Variants in ZMYM4 observed in about 807,000 individuals in gnomAD.
The protein encoded by ZMYM4 is zinc finger MYM-type protein 4.
In ZMYM4, 31 loss-of-function variants were observed where a neutral mutation model predicts 183.2. That is an observed-to-expected ratio of 0.17 (90% CI 0.13 to 0.23). ZMYM4 has a LOEUF of 0.23. Ranked by LOEUF, ZMYM4 falls within the 10% of genes least tolerant of loss-of-function variation. ZMYM4 has a pLI of 1.00. For missense variants in ZMYM4, 1,273 were observed against 1,840.3 expected (o/e 0.69, Z 5.64); for synonymous variants, 592 against 631.2 (o/e 0.94, Z 0.93).
intron 7 of ZMYM4, chr1:35,370,946 G>A (rs1338726897): frequency 1.4e-5 from 3 of 208,366 alleles, no homozygotes; most frequent in Non-Finnish European, 2.8e-5. Flanking sequence ...TATTACAGCA[G>A]TATTTTATAA....
At position 35,334,940 on chromosome 1, in the gene ZMYM4, C is replaced by A. The variant is rs532442020; in HGVS notation, c.85+9535C>A. ...TCCTTAGTTATTTCTCGGAATACTT[C>A]GAAAACTTTTTATAAATTATTAAAC... On this transcript the variant is annotated intron_variant, in intron 2 of 29. Transcript: ENST00000314607. 3.3e-5 allele frequency among the ~76,000 whole-genome samples: 5 copies of A among 152,114 alleles called. No homozygotes were observed. The South Asian group carries it at 1.0e-3, about 32-fold the overall frequency.
At chr1:35,274,725 AATG>A (rs1486286652) in intron 1 of ZMYM4, among the ~76,000 whole-genome samples, 3 of 151,784 alleles carry the variant, frequency 2.0e-5, no homozygotes, top group Non-Finnish European at 4.4e-5. Context: ...ATCTATAAAT[AATG>A]ATAATACTTG....
rs576277396 is a variant in ZMYM4 at position 35,302,200 on chromosome 1, C to CTTTTTTTTTTTTTTTTTTTTT, written c.40-23155_40-23135dup. The stretch of plus-strand genomic sequence containing the variant: ...ATCCACAAGCTAAAAACGGCTCTTG[C>CTTTTTTTTTTTTTTTTTTTTT]TTTTTTTTTTTTTTTTTTTTTTTTT... On this transcript the variant is annotated intron_variant, in intron 1 of 29. Transcript: ENST00000314607. Among the ~76,000 whole-genome samples the CTTTTTTTTTTTTTTTTTTTTT allele has an allele frequency of 2.4e-4, 14 of 58,550 alleles. 2 individuals are homozygous for CTTTTTTTTTTTTTTTTTTTTT. The highest frequency in any genetic ancestry group is 9.0e-4 in the African/African-American group (14 of 15,524). 38.4% of individuals were successfully genotyped at this position (58,550 alleles called of 152,430 possible).
chr1:35,362,366 A>T (rs1643958231), intron 5 of ZMYM4, among the ~76,000 whole-genome samples: 1 of 152,232 alleles, frequency 6.6e-6, no homozygotes, highest in Non-Finnish European at 1.5e-5. Flanking sequence ...TGCTCTGGAG[A>T]TAAAATCATA....
In ZMYM4 at chr1:35,313,974, C is replaced by G. The variant is rs142318747; in HGVS notation, c.40-11386C>G. Among the ~76,000 whole-genome samples, 167 of 152,286 alleles carry G rather than the reference C, an allele frequency of 1.1e-3. 1 individual carries two copies. The highest frequency in any genetic ancestry group is 3.8e-3 in the African/African-American group (157 of 41,562). ...GAGGTCATTCACATACTCTTAGTTC[C>G]TGAAAACTCACACCTCTGCTTAACT... On this transcript the variant is annotated intron_variant, in intron 1 of 29. Coordinates refer to ENST00000314607, the MANE Select transcript of ZMYM4 (RefSeq NM_005095.3).
chr1:35,315,984 T>C (rs1642027683), intron 1 of ZMYM4, among the ~76,000 whole-genome samples: 1 of 152,166 alleles, frequency 6.6e-6, no homozygotes, highest in Non-Finnish European at 1.5e-5. Context: ...AGAAATACTT[T>C]ATGTATAGAG....
At chr1:35,387,350 G>T in intron 12 of ZMYM4, 72 bp downstream of exon 12, 2 of 1,578,772 alleles carry the variant, frequency 1.3e-6, no homozygotes, top group South Asian at 2.3e-5. Context: ...TTTTAACTTT[G>T]CATCTCTCAA....
chr1:35,368,134 A>C (rs1570453211), intron 5 of ZMYM4, among the ~76,000 whole-genome samples: 2 of 131,862 alleles, frequency 1.5e-5, no homozygotes, highest in Non-Finnish European at 3.0e-5. Flanking sequence ...GAACATTGCC[A>C]CATTCATTCA....
intron 1 of ZMYM4, among the ~76,000 whole-genome samples, chr1:35,269,310 T>A (rs767603748): frequency 6.6e-6 from 1 of 152,048 alleles, no homozygotes; most frequent in African/African-American, 2.4e-5. Flanking sequence ...GGCCGTTGTT[T>A]GCCTTCCTCC....
chr1:35,304,788 C>T (rs1033387078), intron 1 of ZMYM4, among the ~76,000 whole-genome samples: 1 of 151,964 alleles, frequency 6.6e-6, no homozygotes, highest in Admixed American at 6.6e-5. Context: ...TGATTTCTAT[C>T]GATGCTCTTT....
At chr1:35,283,959 AGTTTTTTT>A (rs546080102) in intron 1 of ZMYM4, among the ~76,000 whole-genome samples, 1,848 of 151,860 alleles carry the variant, frequency 0.012, 14 homozygotes, top group South Asian at 0.024. Flanking sequence ...GATGCACAAA[AGTTTTTTT>A]GTTTTTTTGT....
At chr1:35,411,985 G>T (rs547531080) in intron 26 of ZMYM4, among the ~76,000 whole-genome samples, 2 of 146,838 alleles carry the variant, frequency 1.4e-5, no homozygotes, top group African/African-American at 5.5e-5. Flanking sequence ...TGGGTTCAAC[G>T]CCATTCTCCT....
At chr1:35,278,656 C>T (rs543136082) in intron 1 of ZMYM4, among the ~76,000 whole-genome samples, 2 of 152,132 alleles carry the variant, frequency 1.3e-5, no homozygotes, top group Admixed American at 6.5e-5. Context: ...CTCCTGACCT[C>T]GTGATCTGCC....
intron 1 of ZMYM4, among the ~76,000 whole-genome samples, chr1:35,300,689 G>T (rs1298046798): frequency 6.6e-6 from 1 of 152,038 alleles, no homozygotes; most frequent in African/African-American, 2.4e-5. Context: ...GTTCCATTCT[G>T]TGTAATTTTC....
chr1:35,383,063 G>A (rs1338317204), intron 9 of ZMYM4, among the ~76,000 whole-genome samples: 2 of 152,184 alleles, frequency 1.3e-5, no homozygotes, highest in Non-Finnish European at 2.9e-5. Flanking sequence ...AGAAATAGAT[G>A]TGGATTATAT....
At chr1:35,367,922 G>A (rs1393517285) in intron 5 of ZMYM4, among the ~76,000 whole-genome samples, 1 of 152,108 alleles carries the variant, frequency 6.6e-6, no homozygotes, top group African/African-American at 2.4e-5. Flanking sequence ...GTTGCAGTGA[G>A]CCGAGGTTGA....
Position 35,355,200 on chromosome 1 carries a change from C to CTTTTTTTTT in ZMYM4, c.86-3706_86-3698dup, listed in dbSNP as rs1013941289. ...AGGTGCCCGTCACCACGCCTGGCTT[C>CTTTTTTTTT]TTTTTTTTTTTTTTTTTTTTTTTTT... On this transcript the variant is annotated intron_variant, in intron 2 of 29. Transcript: ENST00000314607. 5.9e-3 allele frequency among the ~76,000 whole-genome samples: 457 copies of CTTTTTTTTT among 77,148 alleles called. 21 individuals are homozygous for CTTTTTTTTT. The highest frequency in any genetic ancestry group is 0.041 in the East Asian group (128 of 3,086). The allele number at this position is 77,148 out of a possible 152,430, so 50.6% of individuals were successfully genotyped here.
chr1:35,313,390 C>CTTTTT (rs36112055), intron 1 of ZMYM4, among the ~76,000 whole-genome samples: 5 of 131,580 alleles, frequency 3.8e-5, no homozygotes, highest in African/African-American at 1.1e-4. Context: ...TTTTCTTTTT[C>CTTTTT]TTTTTTTTTT....
In ZMYM4 at chr1:35,389,839, T is replaced by G. The variant is rs923133758; in HGVS notation, c.2437-109T>G. ...CATTGATAAAGACAAACTAATTTTTTGATCTAAATTCTAAGTTAATTTCGT... is the reference window on the plus strand; with the variant it reads ...CATTGATAAAGACAAACTAATTTTTGGATCTAAATTCTAAGTTAATTTCGT... On this transcript the variant is annotated intron_variant, in intron 14 of 29. Transcript: ENST00000314607. This position sits in a 1 kb window ranked among gnomAD's most constrained non-coding sequence, Gnocchi z 4.0. 1.5e-4 allele frequency: 158 copies of G among 1,069,914 alleles called. No homozygotes were observed. Among genetic ancestry groups the G allele is most frequent in the Admixed American group, 2.7e-5 (1 of 37,270 alleles). The allele number at this position is 1,069,914 out of a possible 1,614,324, so 66.3% of individuals were successfully genotyped here.
Sources: allele counts gnomAD v4.1 joint callset (sites outside exome capture counted in the v4.1 genomes callset), GRCh38; gene constraint gnomAD v4.1.1; non-coding constraint Gnocchi (gnomAD v3.1); transcripts MANE v1.5; gene names NCBI Gene and HGNC (gene_info 2026-07-23, HGNC 2026-07-21).